Variants in CRACDL observed in about 807,000 individuals in gnomAD.
The protein encoded by CRACDL is CRACD-like protein.
Under a neutral mutation model 70.6 loss-of-function variants are expected in CRACDL, and 26 were observed. That is an observed-to-expected ratio of 0.37 (90% CI 0.27 to 0.51). CRACDL has a LOEUF of 0.51. CRACDL is among the 20% of genes least tolerant of loss of function. CRACDL has a pLI of 0.94. For missense variants in CRACDL, 1,283 were observed against 1,376.9 expected (o/e 0.93, Z 1.08); for synonymous variants, 618 against 615.2 (o/e 1.00, Z -0.07).
chr2:98,795,090 T>TGAGACAGAAGTCTCACTGTG (rs1703760475), intron 9 of CRACDL, among the ~76,000 whole-genome samples: 1 of 134,960 alleles, frequency 7.4e-6, no homozygotes, highest in African/African-American at 2.8e-5. Flanking sequence ...TTTTTTTTTT[T>TGAGACAGAAGTCTCACTGTG]TTGAGACAGA....
intron 7 of CRACDL, among the ~76,000 whole-genome samples, chr2:98,821,344 T>A (rs780146622): frequency 2.0e-5 from 3 of 152,130 alleles, no homozygotes; most frequent in Non-Finnish European, 2.9e-5. Flanking sequence ...TTACCACGCC[T>A]GGCCAGTTTT....
chr2:98,903,416 C>G (rs1708332151), intron 1 of CRACDL, among the ~76,000 whole-genome samples: 2 of 152,164 alleles, frequency 1.3e-5, no homozygotes, highest in African/African-American at 4.8e-5. Context: ...TAAAAATTCC[C>G]TGATTTCAAA....
In CRACDL at chr2:98,823,295, GC is replaced by G; in HGVS notation, c.977del (p.Gly326AlafsTer173). The G allele has an allele frequency of 7.0e-7, 1 of 1,419,876 alleles. No homozygotes were observed. Among genetic ancestry groups the G allele is most frequent in the Non-Finnish European group, 9.1e-7 (1 of 1,097,962 alleles). The allele number at this position is 1,419,876 out of a possible 1,614,324, so 88.0% of individuals were successfully genotyped here. On this transcript the variant is annotated frameshift_variant, in exon 7 of 10. Coordinates refer to ENST00000397899, the MANE Select transcript of CRACDL (RefSeq NM_207362.3). LOFTEE classifies it high-confidence loss of function. This position sits in a 1 kb window ranked among gnomAD's most constrained non-coding sequence, Gnocchi z 4.0. The stretch of plus-strand genomic sequence containing the variant: ...GGCTTGAGGGGTCCTCCCCGGGGAC[GC>G]CCCCCTCCTCCACGCTGGCCGTGAG... Reference protein sequence around the residue: ...SALTASVEEGGVPGEDPSSRP... With the variant: ...SALTASVEEGXVPGEDPSSRP...
intron 1 of CRACDL, among the ~76,000 whole-genome samples, chr2:98,865,282 A>G (rs1225413161): frequency 6.6e-6 from 1 of 152,062 alleles, no homozygotes; most frequent in African/African-American, 2.4e-5. Context: ...TTCAGATTTC[A>G]GCTTTCATTC....
chr2:98,810,576 A>G (rs1014648570), intron 7 of CRACDL, among the ~76,000 whole-genome samples: 1 of 152,158 alleles, frequency 6.6e-6, no homozygotes, highest in African/African-American at 2.4e-5. Context: ...GACCAAGGTG[A>G]ACATCACAAC....
intron 3 of CRACDL, among the ~76,000 whole-genome samples, chr2:98,837,913 C>T (rs548931101): frequency 3.3e-5 from 5 of 152,216 alleles, no homozygotes; most frequent in African/African-American, 9.6e-5. Flanking sequence ...CATATAGTAC[C>T]TCCTCTCCCA....
intron 4 of CRACDL, 104 bp from the exon 5 acceptor site, chr2:98,832,616 G>T: frequency 8.5e-7 from 1 of 1,170,394 alleles, no homozygotes; most frequent in Non-Finnish European, 1.2e-6. Flanking sequence ...TCAGTATCTT[G>T]GTGTGGTGCA....
rs1705168182 is a variant in CRACDL at position 98,823,260 on chromosome 2, G to T, written c.1013C>A (p.Thr338Asn). ...PGEDPSSRPA[T>N]PELAEPESAP... ...CGACTCGGGCTCGGCGAGCTCCGGGGTGGCCGGGCGGCTTGAGGGGTCCTC... is the reference window on the plus strand; with the variant it reads ...CGACTCGGGCTCGGCGAGCTCCGGGTTGGCCGGGCGGCTTGAGGGGTCCTC... Residue 338 changes from threonine to asparagine, a missense_variant, in exon 7 of 10, where the codon ACC becomes AAC. Physicochemically the swap from Thr to Asn is moderately conservative, Grantham distance 65. This residue lies in a region of CRACDL where 362 missense variants were observed against 495.0 expected (regional missense o/e 0.73). Coordinates refer to ENST00000397899, the MANE Select transcript of CRACDL (RefSeq NM_207362.3). The surrounding 1 kb of genome is among the most constrained non-coding windows in gnomAD (Gnocchi z 4.0). The T allele has an allele frequency of 1.4e-6, 2 of 1,406,114 alleles. No individual in the cohort carries two copies. Among genetic ancestry groups the T allele is most frequent in the Non-Finnish European group, 1.8e-6 (2 of 1,089,506 alleles). 87.1% of individuals were successfully genotyped at this position (1,406,114 alleles called of 1,614,324 possible).
intron 2 of CRACDL, among the ~76,000 whole-genome samples, chr2:98,839,298 T>C (rs1705921672): frequency 6.6e-6 from 1 of 152,226 alleles, no homozygotes; most frequent in African/African-American, 2.4e-5. Context: ...TCTCCAAGGA[T>C]AAGTCAGTTC....
chr2:98,812,177 G>A (rs967344525), intron 7 of CRACDL, among the ~76,000 whole-genome samples: 8 of 152,172 alleles, frequency 5.3e-5, no homozygotes, highest in Admixed American at 1.3e-4. Flanking sequence ...GTTTCACCAT[G>A]TTGGCCATGC....
intron 9 of CRACDL, 82 bp from the exon 10 acceptor site, chr2:98,794,753 T>A: frequency 8.1e-7 from 1 of 1,234,076 alleles, no homozygotes; most frequent in Middle Eastern, 2.3e-4. Context: ...TTTCTCGAAC[T>A]AGACATCGAG....
intron 1 of CRACDL, among the ~76,000 whole-genome samples, chr2:98,926,198 T>C (rs987389943): frequency 1.3e-5 from 2 of 152,182 alleles, no homozygotes; most frequent in African/African-American, 2.4e-5. Context: ...GAAGGTGCCA[T>C]AGAAACCTAA....
intron 1 of CRACDL, among the ~76,000 whole-genome samples, chr2:98,919,320 G>A (rs1409187760): frequency 6.6e-6 from 1 of 152,000 alleles, no homozygotes; most frequent in African/African-American, 2.4e-5. Context: ...ATTCTTTTTA[G>A]GTTCCTTATT....
chr2:98,842,639 G>A lies in CRACDL; in HGVS notation c.70+4092C>T, dbSNP rs1326388268. On this transcript the variant is annotated intron_variant, in intron 2 of 9. Coordinates refer to ENST00000397899, the MANE Select transcript of CRACDL (RefSeq NM_207362.3). ...CCTATAATTTTGCCTTTTCTAGAAT[G>A]TCATGTAGATTAAGTCACACAGTAT... 3.3e-5 allele frequency among the ~76,000 whole-genome samples: 5 copies of A among 152,156 alleles called. No homozygotes were observed. The East Asian group carries it at 9.7e-4, about 29-fold the overall frequency.
intron 7 of CRACDL, among the ~76,000 whole-genome samples, chr2:98,820,088 G>T (rs1704962688): frequency 6.6e-6 from 1 of 151,604 alleles, no homozygotes; most frequent in Admixed American, 6.6e-5. Context: ...AAAGTGCTGG[G>T]ATTACAAGTG....
At position 98,823,003 on chromosome 2, in the gene CRACDL, C is replaced by T; in HGVS notation, c.1270G>A (p.Ala424Thr). ...TCTGGCCCGTCGCGAGCAGAGGGCG[C>T]CTCTGAGGTGGCGGCGGGGTCAGTC... Reference protein sequence around the residue: ...PETDPAATSEAPSARDGPERS... With the variant: ...PETDPAATSETPSARDGPERS... Residue 424 changes from alanine (A) to threonine (T), a missense_variant, in exon 7 of 10, where the codon GCG becomes ACG. Transcript: ENST00000397899. This position sits in a 1 kb window ranked among gnomAD's most constrained non-coding sequence, Gnocchi z 4.0. The T allele has an allele frequency of 6.6e-7, 1 of 1,512,606 alleles. No individual in the cohort carries two copies. The highest frequency in any genetic ancestry group is 1.2e-5 in the South Asian group (1 of 81,262). The allele number at this position is 1,512,606 out of a possible 1,614,324, so 93.7% of individuals were successfully genotyped here. A position where few individuals can be genotyped will look rare whatever the true frequency, so the allele number is the denominator to read the frequency against.
rs993790872 is a variant in CRACDL, at chr2:98,803,235, C to T, written c.2417-5698G>A. On this transcript the variant is annotated intron_variant, in intron 7 of 9. Transcript: ENST00000397899. ...CAGGATGGTCTCGATCTCTTGACCT[C>T]GTGATCCACCCGCCTCAGCCTCCCA... 7.9e-5 allele frequency among the ~76,000 whole-genome samples: 12 copies of T among 151,966 alleles called. No individual in the cohort carries two copies. The South Asian group carries it at 1.7e-3, about 21-fold the overall frequency.
intron 1 of CRACDL, among the ~76,000 whole-genome samples, chr2:98,926,188 G>C (rs568846628): frequency 1.3e-5 from 2 of 152,250 alleles, no homozygotes; most frequent in South Asian, 4.1e-4. Flanking sequence ...TTCACAAAGG[G>C]AAGGTGCCAT....
intron 1 of CRACDL, among the ~76,000 whole-genome samples, chr2:98,905,631 T>G (rs1035831750): frequency 2.2e-5 from 3 of 135,484 alleles, no homozygotes; most frequent in African/African-American, 1.0e-4. Context: ...TACCTCATTT[T>G]TTTTTTTTTT....
Sources: allele counts gnomAD v4.1 joint callset (sites outside exome capture counted in the v4.1 genomes callset), GRCh38; gene constraint gnomAD v4.1.1; regional missense constraint gnomAD v4.1.1; non-coding constraint Gnocchi (gnomAD v3.1); transcripts MANE v1.5; gene names NCBI Gene and HGNC (gene_info 2026-07-23, HGNC 2026-07-21).